Variants in PCDHA5 observed in about 807,000 individuals in gnomAD.
PCDHA5 encodes protocadherin alpha-5.
A neutral mutation model predicts 61.6 loss-of-function variants in PCDHA5; 43 were observed. The observed-to-expected ratio is 0.70, with a 90% CI of 0.55 to 0.90. The LOEUF is 0.90. Ranked by LOEUF, PCDHA5 falls within the 40% of genes least tolerant of loss-of-function variation. The pLI, the probability that PCDHA5 is intolerant of heterozygous loss-of-function variation, is 0.00. For missense variants in PCDHA5, 1,298 were observed against 1,222.7 expected (o/e 1.06, Z -0.92); for synonymous variants, 627 against 543.9 (o/e 1.15, Z -2.13).
intron 1 of PCDHA5, among the ~76,000 whole-genome samples, chr5:140,888,878 T>G (rs1280508372): frequency 6.6e-6 from 1 of 152,132 alleles, no homozygotes; most frequent in African/African-American, 2.4e-5. Flanking sequence ...ACATAAAAAT[T>G]AAAACATTAG....
chr5:140,846,829 T>C (rs1554141506), intron 1 of PCDHA5, among the ~76,000 whole-genome samples: 1 of 149,526 alleles, frequency 6.7e-6, no homozygotes, highest in African/African-American at 2.5e-5. Flanking sequence ...AAATAAAGAA[T>C]ATGAGTCACA....
chr5:140,830,371 CG>C (rs1771026985), intron 1 of PCDHA5: 1 of 1,614,120 alleles, frequency 6.2e-7, no homozygotes, highest in Non-Finnish European at 8.5e-7. Flanking sequence ...GGGTGTGCTC[CG>C]GGGAGGGCCC....
chr5:140,841,901 C>G, intron 1 of PCDHA5: 1 of 1,613,844 alleles, frequency 6.2e-7, no homozygotes, highest in Non-Finnish European at 8.5e-7. Flanking sequence ...ACTGGTTGAG[C>G]TCGTATTAAG....
rs1229529443 is a variant in PCDHA5 at position 140,823,060 on chromosome 5, G to C, written c.1285G>C (p.Gly429Arg). The C allele has an allele frequency of 4.3e-6, 7 of 1,614,020 alleles. No homozygotes were observed. The highest frequency in any genetic ancestry group is 2.7e-5 in the African/African-American group (2 of 74,948). ...TGAGCTGGTGGTGACCGCGCGGGACGGGGGCTCGCCTTCGCTGTGGGCCAC... is the reference window on the plus strand; with the variant it reads ...TGAGCTGGTGGTGACCGCGCGGGACCGGGGCTCGCCTTCGCTGTGGGCCAC... ...VYELVVTARDGGSPSLWATAS... is the reference protein window; with the variant it reads ...VYELVVTARDRGSPSLWATAS... The change falls in exon 1 of 4, where the codon GGG (glycine) becomes CGG (arginine). Residue 429 changes from glycine (G) to arginine (R), a missense_variant. Coordinates refer to ENST00000529859, the MANE Select transcript of PCDHA5 (RefSeq NM_018908.3).
intron 1 of PCDHA5, chr5:140,854,181 AGTT>A: frequency 2.3e-6 from 1 of 434,280 alleles, no homozygotes; most frequent in Non-Finnish European, 3.0e-6. Context: ...AAAAAAGAGT[AGTT>A]TAACTACTCC....
chr5:140,822,617 G>C lies in PCDHA5; in HGVS notation c.842G>C (p.Ser281Thr), dbSNP rs2150117818. The change falls in exon 1 of 4, where the codon AGT (serine) becomes ACT (threonine). Residue 281 changes from serine to threonine, a missense_variant. Transcript: ENST00000529859. ...AATAAGGAAATAGTGTATTTCTTTAGTAATCTTGTTCTTGACGATGTAAAG... is the reference window on the plus strand; with the variant it reads ...AATAAGGAAATAGTGTATTTCTTTACTAATCTTGTTCTTGACGATGTAAAG... ...GINKEIVYFF[S>T]NLVLDDVKSK... The C allele has an allele frequency of 8.7e-6, 14 of 1,610,588 alleles. No individual in the cohort carries two copies. Among genetic ancestry groups the C allele is most frequent in the Non-Finnish European group, 1.2e-5 (14 of 1,177,342 alleles).
intron 1 of PCDHA5, among the ~76,000 whole-genome samples, chr5:140,832,596 A>G (rs2150115018): frequency 6.6e-6 from 1 of 152,326 alleles, no homozygotes; most frequent in Non-Finnish European, 1.5e-5. Context: ...AGAGAACTAT[A>G]GCGTTGCTAG....
intron 1 of PCDHA5, among the ~76,000 whole-genome samples, chr5:140,941,214 C>CCTTCTTTCTTTCTTT (rs1554214040): frequency 8.2e-6 from 1 of 122,414 alleles, no homozygotes; most frequent in Non-Finnish European, 1.7e-5. Context: ...TTTCTTTCTT[C>CCTTCTTTCTTTCTTT]CTTTCTTTCT....
chr5:140,936,077 G>A (rs2090754379), intron 1 of PCDHA5, among the ~76,000 whole-genome samples: 1 of 151,980 alleles, frequency 6.6e-6, no homozygotes, highest in South Asian at 2.1e-4. Flanking sequence ...ACTTTTAGTA[G>A]AGACAGGGTT....
chr5:140,888,724 C>G (rs1437926423), intron 1 of PCDHA5, among the ~76,000 whole-genome samples: 6 of 151,938 alleles, frequency 3.9e-5, no homozygotes, highest in African/African-American at 1.5e-4. Flanking sequence ...ATTTCCAGCC[C>G]TTTGTGAGCT....
At chr5:140,865,692 T>C (rs2048967146) in intron 1 of PCDHA5, 1 of 152,212 alleles carries the variant, frequency 6.6e-6, no homozygotes, top group Non-Finnish European at 1.5e-5. Context: ...ATATGACTGT[T>C]CCAATTTGAA....
In PCDHA5 at chr5:141,010,257, G is replaced by T; in HGVS notation, c.*320G>T. On this transcript the variant is annotated 3_prime_UTR_variant, in exon 4 of 4. Coordinates refer to ENST00000529859, the MANE Select transcript of PCDHA5 (RefSeq NM_018908.3). ...AGTGAGAGGTTGGACTCTCTGCCCT[G>T]TGCTCCGGGGATCCTGTCTTGATGA... 6.4e-7 allele frequency: 1 copy of T among 1,551,794 alleles called. No homozygotes were observed. The highest frequency in any genetic ancestry group is 8.7e-7 in the Non-Finnish European group (1 of 1,147,016).
chr5:140,946,091 A>G (rs1554217315), intron 1 of PCDHA5, among the ~76,000 whole-genome samples: 1 of 152,040 alleles, frequency 6.6e-6, no homozygotes, highest in Non-Finnish European at 1.5e-5. Flanking sequence ...TCTGATAAGG[A>G]GTTAACATAC....
intron 1 of PCDHA5, among the ~76,000 whole-genome samples, chr5:140,914,027 T>C (rs188298966): frequency 6.6e-6 from 1 of 152,186 alleles, no homozygotes; most frequent in Non-Finnish European, 1.5e-5. Context: ...ATCCACGTGC[T>C]GAGAAGAATG....
intron 1 of PCDHA5, chr5:140,866,269 TAAAG>T (rs2049248752): frequency 2.6e-5 from 4 of 152,174 alleles, no homozygotes; most frequent in Admixed American, 2.6e-4. Context: ...TTACTGTGAA[TAAAG>T]ACAGTGTTTG....
Position 141,012,307 on chromosome 5 carries a change from T to G in PCDHA5, c.*2370T>G, listed in dbSNP as rs369179929. ...CATTTTGAATTGGTGCTATTGGTAT[T>G]TCCTCTGTTATTGCTAATAAATGAA... On this transcript the variant is annotated 3_prime_UTR_variant, in exon 4 of 4. Transcript: ENST00000529859. 1 of 153,794 alleles carries G rather than the reference T, an allele frequency of 6.5e-6. No homozygotes were observed. The highest frequency in any genetic ancestry group is 1.5e-5 in the Non-Finnish European group (1 of 68,040). 9.5% of individuals were successfully genotyped at this position (153,794 alleles called of 1,614,324 possible).
chr5:140,960,792 C>T (rs2095571018), intron 1 of PCDHA5, among the ~76,000 whole-genome samples: 1 of 151,986 alleles, frequency 6.6e-6, no homozygotes, highest in South Asian at 2.1e-4. Context: ...AACAAGGTTT[C>T]TATTAAAATA....
intron 1 of PCDHA5, chr5:140,857,490 C>T (rs1554150112): frequency 1.3e-6 from 2 of 1,598,382 alleles, no homozygotes; most frequent in East Asian, 4.5e-5. Context: ...GCGTGGGACG[C>T]GGACGCGCAG....
intron 1 of PCDHA5, among the ~76,000 whole-genome samples, chr5:140,957,828 G>A (rs554121251): frequency 6.0e-5 from 9 of 150,668 alleles, no homozygotes; most frequent in Non-Finnish European, 1.2e-4. Context: ...AAGAGAAAGT[G>A]TTAATTGATT....
Sources: gnomAD v4.1 joint callset for allele counts (sites outside exome capture counted in the v4.1 genomes callset) on GRCh38, gnomAD v4.1.1 for gene constraint, MANE v1.5 for transcripts, NCBI Gene and HGNC (gene_info 2026-07-23, HGNC 2026-07-21) for gene names.